Variants in CNTNAP4 observed in about 807,000 individuals in gnomAD.
CNTNAP4 encodes the protein contactin-associated protein-like 4.
CNTNAP4 carries 98 observed loss-of-function variants against 148.4 expected under a neutral mutation model. That is an observed-to-expected ratio of 0.66 (90% CI 0.56 to 0.78). The LOEUF is 0.78. Ranked by LOEUF, CNTNAP4 falls within the 30% of genes least tolerant of loss-of-function variation. The pLI, the probability that CNTNAP4 is intolerant of heterozygous loss-of-function variation, is 0.00. For missense variants in CNTNAP4, 1,935 were observed against 1,565.6 expected, an observed-to-expected ratio of 1.24 and a Z score of -3.98; for synonymous variants, 730 against 565.1, an observed-to-expected ratio of 1.29 and a Z score of -4.14.
intron 15 of CNTNAP4, among the ~76,000 whole-genome samples, chr16:76,501,293 G>A (rs1334470765): frequency 6.6e-6 from 1 of 152,198 alleles, no homozygotes; most frequent in African/African-American, 2.4e-5. Context: ...TAGAGAAGTT[G>A]TTTTATACAT....
intron 1 of CNTNAP4, among the ~76,000 whole-genome samples, chr16:76,292,820 A>G (rs1959165681): frequency 6.6e-6 from 1 of 152,196 alleles, no homozygotes; most frequent in African/African-American, 2.4e-5. Flanking sequence ...TTTAATGAAC[A>G]TCAAAATGAA....
At chr16:76,523,867 C>T (rs2083594833) in intron 17 of CNTNAP4, among the ~76,000 whole-genome samples, 1 of 152,112 alleles carries the variant, frequency 6.6e-6, no homozygotes, top group South Asian at 2.1e-4. Context: ...TAATTGGAGG[C>T]TGTGGTGAAC....
chr16:76,358,938 A>G (rs1024884039), intron 3 of CNTNAP4, among the ~76,000 whole-genome samples: 1 of 152,114 alleles, frequency 6.6e-6, no homozygotes, highest in Admixed American at 6.5e-5. Context: ...GTAGCTTCAA[A>G]GTTTTATTCT....
At chr16:76,476,281 GAAA>G (rs2081575209) in intron 11 of CNTNAP4, among the ~76,000 whole-genome samples, 1 of 152,114 alleles carries the variant, frequency 6.6e-6, no homozygotes, top group African/African-American at 2.4e-5. Flanking sequence ...TGAAAACTAA[GAAA>G]ATGCAGAACG....
At chr16:76,513,067 G>C (rs1568459048) in intron 15 of CNTNAP4, among the ~76,000 whole-genome samples, 1 of 152,146 alleles carries the variant, frequency 6.6e-6, no homozygotes, top group Non-Finnish European at 1.5e-5. Context: ...GTATGATCAC[G>C]AGAGTGGGGT....
chr16:76,462,085 G>A lies in CNTNAP4; in HGVS notation c.1463G>A (p.Gly488Asp). 1 of 1,613,524 alleles carries A rather than the reference G, an allele frequency of 6.2e-7. No individual in the cohort carries two copies. The highest frequency in any genetic ancestry group is 8.5e-7 in the Non-Finnish European group (1 of 1,179,686). The change falls in exon 9 of 24, where the codon GGT (glycine) becomes GAT (aspartate). Residue 488 changes from glycine to aspartate, a missense_variant. Coordinates refer to ENST00000611870, the MANE Select transcript of CNTNAP4 (RefSeq NM_033401.5). ...CTGGGGCCTGAGCAGATTTATTCGG[G>A]TGGCACCTATTATTTTGGAGGTAAG... ...PLLGPEQIYS[G>D]GTYYFGGCPD... is the part of the protein sequence containing the mutation.
At chr16:76,381,053 A>G (rs961280590) in intron 3 of CNTNAP4, among the ~76,000 whole-genome samples, 3 of 152,002 alleles carry the variant, frequency 2.0e-5, no homozygotes, top group South Asian at 2.1e-4. Context: ...TCTTTCCTCT[A>G]TTTCCCATTA....
rs181900831 is a variant in CNTNAP4, at chr16:76,487,496, C to T, written c.1883-2190C>T. On this transcript the variant is annotated intron_variant, in intron 12 of 23. Coordinates refer to ENST00000611870, the MANE Select transcript of CNTNAP4 (RefSeq NM_033401.5). ...CCTAAATAGGTGTTTGTAGAAACTT[C>T]GGATCACTCAATCATGTCTGAAAGA... Among the ~76,000 whole-genome samples the T allele has an allele frequency of 3.4e-3, 517 of 152,274 alleles. 1 individual carries two copies. Among genetic ancestry groups the T allele is most frequent in the Middle Eastern group, 6.8e-3 (2 of 294 alleles).
At chr16:76,431,002 A>G (rs1157662459) in intron 4 of CNTNAP4, among the ~76,000 whole-genome samples, 4 of 152,304 alleles carry the variant, frequency 2.6e-5, no homozygotes, top group African/African-American at 7.2e-5. Context: ...ATATTTTCTT[A>G]ATAAAGACAG....
At chr16:76,432,050 G>A (rs771660674) in intron 4 of CNTNAP4, among the ~76,000 whole-genome samples, 20 of 152,208 alleles carry the variant, frequency 1.3e-4, no homozygotes, top group Admixed American at 2.6e-4. Flanking sequence ...TCTACTTATT[G>A]TACTACAGTT....
At chr16:76,409,185 T>G (rs1047143134) in intron 3 of CNTNAP4, among the ~76,000 whole-genome samples, 1 of 151,988 alleles carries the variant, frequency 6.6e-6, no homozygotes, top group Non-Finnish European at 1.5e-5. Context: ...ATCAGAATAC[T>G]AAAGAATTCC....
At chr16:76,362,463 C>T (rs974090832) in intron 3 of CNTNAP4, among the ~76,000 whole-genome samples, 1 of 151,962 alleles carries the variant, frequency 6.6e-6, no homozygotes, top group African/African-American at 2.4e-5. Flanking sequence ...TTTGAATATC[C>T]AAAACAATCC....
At chr16:76,315,812 C>G (rs1201493885) in intron 1 of CNTNAP4, among the ~76,000 whole-genome samples, 1 of 152,070 alleles carries the variant, frequency 6.6e-6, no homozygotes, top group Non-Finnish European at 1.5e-5. Flanking sequence ...CTAGGCTTGT[C>G]TTGAACTCCT....
intron 21 of CNTNAP4, among the ~76,000 whole-genome samples, chr16:76,552,679 T>C (rs567516109): frequency 1.3e-5 from 2 of 152,258 alleles, no homozygotes; most frequent in Admixed American, 1.3e-4. Flanking sequence ...TTTATTGCTG[T>C]ACATGAGTAA....
At chr16:76,330,141 C>T (rs1300265885) in intron 2 of CNTNAP4, among the ~76,000 whole-genome samples, 3 of 152,156 alleles carry the variant, frequency 2.0e-5, no homozygotes, top group African/African-American at 7.2e-5. Flanking sequence ...ACATCACCTC[C>T]AAACCAGCTG....
At chr16:76,539,580 C>G in intron 19 of CNTNAP4, 139 bp from the exon 20 acceptor site, 2 of 693,496 alleles carry the variant, frequency 2.9e-6, no homozygotes, top group Non-Finnish European at 4.8e-6. Context: ...GAAACTGACT[C>G]TTGGGGATTA....
intron 21 of CNTNAP4, among the ~76,000 whole-genome samples, chr16:76,550,494 G>A (rs1011425424): frequency 1.3e-5 from 2 of 152,130 alleles, no homozygotes; most frequent in Admixed American, 6.5e-5. Flanking sequence ...ATTATTACCA[G>A]AGAAGTAAAT....
chr16:76,394,443 GTA>G (rs1451381754), intron 3 of CNTNAP4, among the ~76,000 whole-genome samples: 3 of 152,074 alleles, frequency 2.0e-5, no homozygotes, highest in Non-Finnish European at 4.4e-5. Flanking sequence ...GCATTTACTG[GTA>G]TTGAATTATA....
chr16:76,350,027 C>A (rs1377069476), intron 2 of CNTNAP4, among the ~76,000 whole-genome samples: 1 of 151,924 alleles, frequency 6.6e-6, no homozygotes, highest in Non-Finnish European at 1.5e-5. Flanking sequence ...AGATGTGTCT[C>A]CCTTACCAGC....
Sources: gnomAD v4.1 joint callset for allele counts (sites outside exome capture counted in the v4.1 genomes callset) on GRCh38, gnomAD v4.1.1 for gene constraint, MANE v1.5 for transcripts, NCBI Gene and HGNC (gene_info 2026-07-23, HGNC 2026-07-21) for gene names.